MAMDC2: variants seen among roughly 807,000 people sequenced by gnomAD.
The protein encoded by MAMDC2 is MAM domain-containing protein 2.
In MAMDC2, 57 loss-of-function variants were observed where a neutral mutation model predicts 89.8. The observed-to-expected ratio is 0.63, with a 90% CI of 0.51 to 0.79. The LOEUF (loss-of-function observed/expected upper bound fraction) is 0.79, where lower values mean the gene tolerates loss of function less well. MAMDC2 is among the 30% of genes least tolerant of loss of function. MAMDC2 has a pLI of 0.00. For synonymous variants in MAMDC2, 313 were observed against 293.4 expected, an observed-to-expected ratio of 1.07 and a Z score of -0.68; for missense variants, 800 against 820.6, an observed-to-expected ratio of 0.97 and a Z score of 0.31.
intron 2 of MAMDC2, chr9:70,087,187 T>C (rs942936307): frequency 1.3e-5 from 2 of 152,204 alleles, no homozygotes; most frequent in Admixed American, 6.5e-5. Context: ...CAGCACATCA[T>C]GCACTCAGTC....
At chr9:70,164,097 C>T (rs879444438) in intron 9 of MAMDC2, among the ~76,000 whole-genome samples, 3 of 152,104 alleles carry the variant, frequency 2.0e-5, no homozygotes, top group Non-Finnish European at 4.4e-5. Context: ...GAGATTTTCC[C>T]CCAGTGGACA....
In MAMDC2 at chr9:70,226,480, A is replaced by G. The variant is rs908696055; in HGVS notation, c.*448A>G. The G allele has an allele frequency of 6.6e-6, 1 of 152,636 alleles. No individual in the cohort carries two copies. The highest frequency in any genetic ancestry group is 1.5e-5 in the Non-Finnish European group (1 of 68,044). The allele number at this position is 152,636 out of a possible 1,614,324, so 9.5% of individuals were successfully genotyped here. A position where few individuals can be genotyped will look rare whatever the true frequency, so the allele number is the denominator to read the frequency against. On this transcript the variant is annotated 3_prime_UTR_variant, in exon 14 of 14. Transcript: ENST00000377182. ...TACGGGGTGTCAGTAATATCTGCAG[A>G]ATGAATGCAGTCTTTCATGCTAATG... is the stretch of plus-strand genomic sequence containing the variant.
chr9:70,172,211 G>T (rs1460616256), intron 11 of MAMDC2: 1 of 152,112 alleles, frequency 6.6e-6, no homozygotes, highest in Non-Finnish European at 1.5e-5. Flanking sequence ...TCATTCAACT[G>T]AATCTTCTCT....
At chr9:70,221,380 T>TATATATAGAGAGAGAGAGAGAGAG in intron 12 of MAMDC2, among the ~76,000 whole-genome samples, 4 of 7,042 alleles carry the variant, frequency 5.7e-4, no homozygotes, top group African/African-American at 1.3e-3. Context: ...TATATATATA[T>TATATATAGAGAGAGAGAGAGAGAG]AGAGAGAGAG....
intron 2 of MAMDC2, among the ~76,000 whole-genome samples, chr9:70,045,067 T>C (rs976545322): frequency 5.9e-5 from 9 of 152,222 alleles, no homozygotes; most frequent in African/African-American, 2.2e-4. Flanking sequence ...TCAGGAGACA[T>C]GTCTGTGAGT....
Position 70,126,306 on chromosome 9 carries a change from A to G in MAMDC2, c.791A>G (p.Tyr264Cys). ...GGGAATGACAATGTCTTTTCCCTTT[A>G]CACTCGGGATGTGGCTGGCCTTTAC... ...QQGNDNVFSL[Y>C]TRDVAGLYEE... The change falls in exon 6 of 14, where the codon TAC becomes TGC. Residue 264 changes from tyrosine to cysteine, a missense_variant. Tyr to Cys is a radical substitution (Grantham distance 194, BLOSUM62 -2). Transcript: ENST00000377182. The G allele has an allele frequency of 1.2e-6, 2 of 1,614,122 alleles. No homozygotes were observed. Among genetic ancestry groups the G allele is most frequent in the Non-Finnish European group, 1.7e-6 (2 of 1,180,022 alleles).
intron 2 of MAMDC2, chr9:70,079,249 G>T (rs1437770381): frequency 6.6e-6 from 1 of 152,052 alleles, no homozygotes; most frequent in Admixed American, 6.6e-5. Context: ...CACTTACCGT[G>T]CATTATTAGC....
chr9:70,114,794 C>T (rs1433260514), intron 5 of MAMDC2, among the ~76,000 whole-genome samples: 2 of 152,072 alleles, frequency 1.3e-5, no homozygotes, highest in African/African-American at 4.8e-5. Flanking sequence ...TGGATGTTAA[C>T]AAAGGGTGGT....
At chr9:70,204,764 C>T (rs897908696) in intron 11 of MAMDC2, among the ~76,000 whole-genome samples, 3 of 152,082 alleles carry the variant, frequency 2.0e-5, no homozygotes, top group Admixed American at 6.6e-5. Context: ...CGTGGTGCGC[C>T]GTTTTTTAAG....
At chr9:70,170,383 T>C in intron 10 of MAMDC2, 96 bp from the exon 11 acceptor site, 1 of 1,396,856 alleles carries the variant, frequency 7.2e-7, no homozygotes, top group East Asian at 2.4e-5. Flanking sequence ...GCATGGCATA[T>C]GGCCAGACAA....
chr9:70,064,555 CAA>C (rs758283935), intron 2 of MAMDC2, among the ~76,000 whole-genome samples: 14 of 152,194 alleles, frequency 9.2e-5, no homozygotes, highest in Admixed American at 3.9e-4. Flanking sequence ...CACTTGGAGA[CAA>C]AGAGAAGGGG....
chr9:70,128,408 G>A (rs1246977414), intron 6 of MAMDC2, among the ~76,000 whole-genome samples: 1 of 152,106 alleles, frequency 6.6e-6, no homozygotes, highest in African/African-American at 2.4e-5. Context: ...TTCATTCATA[G>A]CCCTTCCCCC....
At chr9:70,152,208 G>A (rs537095078) in intron 9 of MAMDC2, among the ~76,000 whole-genome samples, 19 of 152,292 alleles carry the variant, frequency 1.2e-4, no homozygotes, top group African/African-American at 4.6e-4. Flanking sequence ...ACAATGGGCT[G>A]CTTATTAATA....
intron 11 of MAMDC2, among the ~76,000 whole-genome samples, chr9:70,194,706 C>T: frequency 6.6e-6 from 1 of 152,086 alleles, no homozygotes; most frequent in East Asian, 1.9e-4. Flanking sequence ...ATGTAAGCTC[C>T]ACTGAATTGA....
intron 2 of MAMDC2, among the ~76,000 whole-genome samples, chr9:70,097,008 A>T (rs1331777335): frequency 6.6e-6 from 1 of 152,192 alleles, no homozygotes; most frequent in Admixed American, 6.5e-5. Context: ...GAAGTTTCTG[A>T]GTCAACTAGG....
rs752992061 is a variant in MAMDC2 at position 70,109,764 on chromosome 9, C to T, written c.465C>T (p.Ile155=). ...GVLGQGNTAS[I]ALFEIKMTTG... ...TAGGACAGGGAAACACAGCCAGCAT[C>T]GCACTATTTGAAATCAAGATGACAA... The change falls in exon 4 of 14, where the codon ATC becomes ATT. Residue 155 remains isoleucine, a synonymous_variant. Transcript: ENST00000377182. The T allele has an allele frequency of 2.2e-5, 35 of 1,613,834 alleles. No individual in the cohort carries two copies. Among genetic ancestry groups the T allele is most frequent in the South Asian group, 1.6e-4 (15 of 91,066 alleles).
chr9:70,215,276 C>CAAAG (rs2033423510), intron 11 of MAMDC2, among the ~76,000 whole-genome samples: 1 of 152,092 alleles, frequency 6.6e-6, no homozygotes, highest in African/African-American at 2.4e-5. Flanking sequence ...ACAAAAATGA[C>CAAAG]AAAGACTGAA....
At chr9:70,209,998 G>C (rs914165277) in intron 11 of MAMDC2, among the ~76,000 whole-genome samples, 1 of 152,208 alleles carries the variant, frequency 6.6e-6, no homozygotes, top group Admixed American at 6.5e-5. Context: ...TGGTCTGAGG[G>C]ACAGTTTGTT....
chr9:70,089,411 T>A (rs766080137), intron 2 of MAMDC2, among the ~76,000 whole-genome samples: 7 of 152,204 alleles, frequency 4.6e-5, no homozygotes, highest in Non-Finnish European at 7.3e-5. Flanking sequence ...TCTAATTTTA[T>A]GCATATTTGA....
Sources: allele counts gnomAD v4.1 joint callset (sites outside exome capture counted in the v4.1 genomes callset), GRCh38; gene constraint gnomAD v4.1.1; transcripts MANE v1.5; gene names NCBI Gene and HGNC (gene_info 2026-07-23, HGNC 2026-07-21).